The following CMYA5 variants were observed in gnomAD, a reference collection of about 807,000 sequenced individuals.
CMYA5 encodes cardiomyopathy-associated protein 5.
CMYA5 carries 246 observed loss-of-function variants against 318.9 expected under a neutral mutation model. The observed-to-expected ratio is 0.77, with a 90% CI of 0.70 to 0.86. The LOEUF (loss-of-function observed/expected upper bound fraction) is 0.86, where lower values mean the gene tolerates loss of function less well. Among genes scored for constraint, CMYA5 ranks in the 40% least tolerant of loss-of-function variants. CMYA5 has a pLI of 0.00. For missense variants in CMYA5, 4,589 were observed against 4,678.2 expected, an observed-to-expected ratio of 0.98 and a Z score of 0.56; for synonymous variants, 1,641 against 1,729.5, an observed-to-expected ratio of 0.95 and a Z score of 1.27.
At position 79,712,636 on chromosome 5, in the gene CMYA5, A is replaced by G. The variant is rs73123832; in HGVS notation, c.150-16279A>G. ...GCTGGGCTTTATTTTTAAATGTATTACTATTATTATTTTCAAGGCTACAAT... is the reference window on the plus strand; with the variant it reads ...GCTGGGCTTTATTTTTAAATGTATTGCTATTATTATTTTCAAGGCTACAAT... On this transcript the variant is annotated intron_variant, in intron 1 of 12. Coordinates refer to ENST00000446378, the MANE Select transcript of CMYA5 (RefSeq NM_153610.5). Among the ~76,000 whole-genome samples the G allele has an allele frequency of 5.8e-3, 875 of 152,166 alleles. 8 individuals are homozygous for G. The highest frequency in any genetic ancestry group is 0.021 in the African/African-American group (854 of 41,528).
intron 1 of CMYA5, among the ~76,000 whole-genome samples, chr5:79,714,348 C>T (rs966776506): frequency 3.9e-5 from 6 of 151,912 alleles, no homozygotes; most frequent in African/African-American, 9.7e-5. Context: ...CTCTCACACA[C>T]GTATTCAAAC....
At position 79,733,841 on chromosome 5, in the gene CMYA5, T is replaced by C; in HGVS notation, c.5076T>C (p.Ser1692=). 6.2e-7 allele frequency: 1 copy of C among 1,613,684 alleles called. No individual in the cohort carries two copies. The highest frequency in any genetic ancestry group is 8.5e-7 in the Non-Finnish European group (1 of 1,179,818). Residue 1692 remains serine, a synonymous_variant, in exon 2 of 13, where the codon TCT becomes TCC. Transcript: ENST00000446378. The part of the protein sequence containing the change: ...KEENRELCAS[S]TMPAISELSS... ...AAAATAGAGAGCTTTGTGCATCTTC[T>C]ACGATGCCTGCAATTTCAGAGCTTT...
At chr5:79,701,748 C>T (rs1827177932) in intron 1 of CMYA5, among the ~76,000 whole-genome samples, 1 of 152,188 alleles carries the variant, frequency 6.6e-6, no homozygotes, top group Admixed American at 6.5e-5. Context: ...CATTTGCCCA[C>T]ATAAAAATCT....
chr5:79,739,974 C>A (rs181366315), intron 2 of CMYA5, among the ~76,000 whole-genome samples: 1 of 151,632 alleles, frequency 6.6e-6, no homozygotes, highest in East Asian at 1.9e-4. Context: ...CAGAGTGAGA[C>A]CCTGTCTCAA....
chr5:79,693,497 G>C (rs1022538268), intron 1 of CMYA5, among the ~76,000 whole-genome samples: 3 of 151,914 alleles, frequency 2.0e-5, no homozygotes, highest in African/African-American at 4.8e-5. Flanking sequence ...TGCATCACCA[G>C]GCCTGGCTAC....
chr5:79,733,043 C>G lies in CMYA5; in HGVS notation c.4278C>G (p.Pro1426=), dbSNP rs757218304. ...EDKVAIKGAS[P]IETSSKHLAW... ...AGGTGGCAATTAAAGGTGCTTCTCC[C>G]ATTGAAACTTCATCCAAACATTTAG... Residue 1426 remains proline, a synonymous_variant, in exon 2 of 13, where the codon CCC becomes CCG. Transcript: ENST00000446378. The G allele has an allele frequency of 1.9e-6, 3 of 1,613,230 alleles. No homozygotes were observed. The Admixed American group carries it at 5.0e-5, about 27-fold the overall frequency.
At chr5:79,763,920 G>C (rs1014076506) in intron 9 of CMYA5, among the ~76,000 whole-genome samples, 2 of 151,638 alleles carry the variant, frequency 1.3e-5, no homozygotes, top group Non-Finnish European at 2.9e-5. Context: ...AGGTTTTTAG[G>C]TTTTCTTTTA....
intron 7 of CMYA5, 81 bp downstream of exon 7, chr5:79,758,983 A>G (rs1828592112): frequency 8.8e-7 from 1 of 1,140,132 alleles, no homozygotes. Context: ...CACCTGTATT[A>G]TGACTCTTCC....
chr5:79,755,180 G>T (rs1828502951), intron 6 of CMYA5, among the ~76,000 whole-genome samples: 1 of 152,118 alleles, frequency 6.6e-6, no homozygotes, highest in African/African-American at 2.4e-5. Context: ...CAGTGTGGTG[G>T]CTCTTTTTGG....
At position 79,704,845 on chromosome 5, in the gene CMYA5, C is replaced by T. The variant is rs368181814; in HGVS notation, c.149+14789C>T. 8.5e-5 allele frequency among the ~76,000 whole-genome samples: 13 copies of T among 152,324 alleles called. No individual in the cohort carries two copies. The East Asian group carries it at 2.5e-3, about 29-fold the overall frequency. ...TTCACTGGGAGGCCTAAATATACCT[C>T]TGGCCCCTGGAACCTATGAGAAGTC... On this transcript the variant is annotated intron_variant, in intron 1 of 12. Coordinates refer to ENST00000446378, the MANE Select transcript of CMYA5 (RefSeq NM_153610.5).
At position 79,729,465 on chromosome 5, in the gene CMYA5, T is replaced by G. The variant is rs767275364; in HGVS notation, c.700T>G (p.Ser234Ala). 8 of 1,611,514 alleles carry G rather than the reference T, an allele frequency of 5.0e-6. No homozygotes were observed. The highest frequency in any genetic ancestry group is 6.8e-6 in the Non-Finnish European group (8 of 1,178,400). The change falls in exon 2 of 13, where the codon TCG (serine) becomes GCG (alanine). Residue 234 changes from serine to alanine, a missense_variant. Physicochemically the swap from Ser to Ala is moderately conservative, Grantham distance 99. Around this residue, in one of 3 missense-constraint regions of CMYA5, gnomAD observed 2,132 missense variants for 2,131.3 expected, o/e 1.00. Coordinates refer to ENST00000446378, the MANE Select transcript of CMYA5 (RefSeq NM_153610.5). ...TVQYKIKMFN[S>A]VKEELIPLQF... is the part of the protein sequence containing the mutation. ...ACAATATAAAATTAAGATGTTTAAT[T>G]CGGTTAAAGAAGAATTAATTCCTCT...
Position 79,733,407 on chromosome 5 carries a change from C to A in CMYA5, c.4642C>A (p.Gln1548Lys), listed in dbSNP as rs761738147. ...GAAAGAAACTGAACTTCCTTCATCA[C>A]AAAATGTGTCACCTGCATCCAAACA... ...KKKETELPSSQNVSPASKHII... is the reference protein window; with the variant it reads ...KKKETELPSSKNVSPASKHII... The change falls in exon 2 of 13, where the codon CAA (glutamine) becomes AAA (lysine). Residue 1548 changes from glutamine (Q) to lysine (K), a missense_variant. This residue lies in a region of CMYA5 where 2,132 missense variants were observed against 2,131.3 expected (regional missense o/e 1.00). Transcript: ENST00000446378. 6.2e-7 allele frequency: 1 copy of A among 1,613,700 alleles called. No homozygotes were observed. Among genetic ancestry groups the A allele is most frequent in the Non-Finnish European group, 8.5e-7 (1 of 1,179,836 alleles).
chr5:79,788,529 A>G (rs1054990973), intron 9 of CMYA5, among the ~76,000 whole-genome samples: 1 of 151,860 alleles, frequency 6.6e-6, no homozygotes. Flanking sequence ...TTTGCTTTAA[A>G]AGATTTCATC....
In CMYA5 at chr5:79,702,077, C is replaced by T. The variant is rs567000887; in HGVS notation, c.149+12021C>T. ...TGAGATCTTGCGACTGCACTCCAGC[C>T]TGGGTGACAGAGCGAGACTCCATCT... On this transcript the variant is annotated intron_variant, in intron 1 of 12. Coordinates refer to ENST00000446378, the MANE Select transcript of CMYA5 (RefSeq NM_153610.5). Among the ~76,000 whole-genome samples the T allele has an allele frequency of 9.9e-5, 15 of 152,040 alleles. No individual in the cohort carries two copies. The East Asian group carries it at 2.5e-3, about 26-fold the overall frequency.
At chr5:79,724,942 A>G (rs1827716536) in intron 1 of CMYA5, among the ~76,000 whole-genome samples, 1 of 152,142 alleles carries the variant, frequency 6.6e-6, no homozygotes, top group Admixed American at 6.5e-5. Context: ...ACCATCTCCT[A>G]TCTTCATTCA....
In CMYA5 at chr5:79,736,337, T is replaced by C. The variant is rs1173517324; in HGVS notation, c.7572T>C (p.Asn2524=). 1 of 1,613,406 alleles carries C rather than the reference T, an allele frequency of 6.2e-7. No homozygotes were observed. Among genetic ancestry groups the C allele is most frequent in the East Asian group, 2.2e-5 (1 of 44,842 alleles). The part of the protein sequence containing the change: ...PQHFYQNEDY[N]ERPKIIVGSE... ...ACTTCTATCAAAATGAAGACTACAA[T>C]GAAAGACCCAAAATCATTGTTGGTT... Residue 2524 remains asparagine, a synonymous_variant, in exon 2 of 13, where the codon AAT becomes AAC. Coordinates refer to ENST00000446378, the MANE Select transcript of CMYA5 (RefSeq NM_153610.5).
At chr5:79,701,089 A>AG (rs1827166288) in intron 1 of CMYA5, among the ~76,000 whole-genome samples, 1 of 123,200 alleles carries the variant, frequency 8.1e-6, no homozygotes, top group Non-Finnish European at 1.7e-5. Flanking sequence ...TACTAAAAAT[A>AG]CAAAAAAAAA....
rs1227462089 is a variant in CMYA5 at position 79,735,659 on chromosome 5, A to G, written c.6894A>G (p.Ser2298=). The stretch of plus-strand genomic sequence containing the variant: ...GAAAAAAAGAAATCTCAGGCGATTC[A>G]GAGGAAATGAACATAAACTCAGTAG... The part of the protein sequence containing the change: ...DYGKKEISGD[S]EEMNINSVVT... Residue 2298 remains serine (S), a synonymous_variant, in exon 2 of 13, where the codon TCA becomes TCG. Transcript: ENST00000446378. 1 of 1,613,174 alleles carries G rather than the reference A, an allele frequency of 6.2e-7. No homozygotes were observed. The highest frequency in any genetic ancestry group is 8.5e-7 in the Non-Finnish European group (1 of 1,179,670).
At chr5:79,708,366 A>G (rs1827314434) in intron 1 of CMYA5, among the ~76,000 whole-genome samples, 1 of 152,224 alleles carries the variant, frequency 6.6e-6, no homozygotes, top group South Asian at 2.1e-4. Context: ...TCACGCCTGT[A>G]ATCTCAGCAC....
Sources: allele counts gnomAD v4.1 joint callset (sites outside exome capture counted in the v4.1 genomes callset), GRCh38; gene constraint gnomAD v4.1.1; regional missense constraint gnomAD v4.1.1; transcripts MANE v1.5; gene names NCBI Gene and HGNC (gene_info 2026-07-23, HGNC 2026-07-21).